The following TMEM38B variants were observed in gnomAD, a reference collection of about 807,000 sequenced individuals.
TMEM38B encodes transmembrane protein 38B.
In TMEM38B, 24 loss-of-function variants were observed where a neutral mutation model predicts 28.7. The observed-to-expected ratio is 0.84, with a 90% confidence interval of 0.61 to 1.18. The LOEUF (loss-of-function observed/expected upper bound fraction) is 1.18, where lower values mean the gene tolerates loss of function less well. Ranked by LOEUF, TMEM38B falls within the 50% of genes most tolerant of loss-of-function variation. TMEM38B has a pLI of 0.00. For missense variants in TMEM38B, 380 were observed against 350.9 expected (o/e 1.08, Z -0.66); for synonymous variants, 131 against 127.7 (o/e 1.03, Z -0.17).
intron 5 of TMEM38B, chr9:105,758,862 A>C: frequency 9.9e-7 from 1 of 1,008,190 alleles, no homozygotes; most frequent in Admixed American, 1.7e-5. Flanking sequence ...TGATAATAGA[A>C]AACTAAGCCA....
chr9:105,757,565 A>T (rs1019250450), intron 5 of TMEM38B, among the ~76,000 whole-genome samples: 2 of 152,214 alleles, frequency 1.3e-5, no homozygotes, highest in Non-Finnish European at 2.9e-5. Context: ...ATCTACACCA[A>T]TATTTTAAAA....
chr9:105,730,063 C>T (rs1836674152), intron 4 of TMEM38B, among the ~76,000 whole-genome samples: 1 of 152,096 alleles, frequency 6.6e-6, no homozygotes, highest in Non-Finnish European at 1.5e-5. Flanking sequence ...TTTGAATACG[C>T]TTTATTTCTT....
intron 4 of TMEM38B, among the ~76,000 whole-genome samples, chr9:105,735,523 GTAACCTT>G (rs1424346248): frequency 6.6e-6 from 1 of 152,204 alleles, no homozygotes; most frequent in Non-Finnish European, 1.5e-5. Flanking sequence ...AGGTCTTTAT[GTAACCTT>G]AATTTCTGAA....
chr9:105,696,910 A>G (rs1351814332), intron 1 of TMEM38B, among the ~76,000 whole-genome samples: 3 of 152,266 alleles, frequency 2.0e-5, no homozygotes, highest in Non-Finnish European at 2.9e-5. Context: ...GGGGTTAATC[A>G]TAAGTCAACA....
chr9:105,770,687 C>T (rs982537774), intron 5 of TMEM38B, among the ~76,000 whole-genome samples: 7 of 151,902 alleles, frequency 4.6e-5, no homozygotes, highest in African/African-American at 9.7e-5. Flanking sequence ...TGCCATGTGC[C>T]GTTAGGGATT....
chr9:105,713,208 G>A (rs1403650316), intron 2 of TMEM38B, among the ~76,000 whole-genome samples: 2 of 152,162 alleles, frequency 1.3e-5, no homozygotes, highest in East Asian at 3.9e-4. Context: ...CCTTCAAGTA[G>A]TGGCTGCAAT....
intron 2 of TMEM38B, among the ~76,000 whole-genome samples, chr9:105,713,212 C>T (rs1835971773): frequency 6.6e-6 from 1 of 152,132 alleles, no homozygotes; most frequent in Non-Finnish European, 1.5e-5. Context: ...CAAGTAGTGG[C>T]TGCAATCCCT....
In TMEM38B at chr9:105,765,278, G is replaced by A. The variant is rs1006113001; in HGVS notation, c.661-8587G>A. Among the ~76,000 whole-genome samples the A allele has an allele frequency of 4.6e-5, 7 of 152,206 alleles. No individual in the cohort carries two copies. The East Asian group carries it at 7.7e-4, about 17-fold the overall frequency. On this transcript the variant is annotated intron_variant, in intron 5 of 5. Transcript: ENST00000374692. ...AAAGTAGCATTTAATATTTATTGAC[G>A]AAATCATTAGAAATGAGCTCCTTTA...
At chr9:105,756,320 G>C (rs1837830772) in intron 5 of TMEM38B, among the ~76,000 whole-genome samples, 1 of 152,092 alleles carries the variant, frequency 6.6e-6, no homozygotes, top group African/African-American at 2.4e-5. Context: ...AGTGTTGATA[G>C]AAATGGAGAG....
At chr9:105,710,251 G>T in intron 2 of TMEM38B, 1 of 569,222 alleles carries the variant, frequency 1.8e-6, no homozygotes, top group Non-Finnish European at 3.2e-6. Flanking sequence ...TTGAAGTCTA[G>T]TAAGCACAAC....
chr9:105,735,238 T>C (rs2175121), intron 4 of TMEM38B, among the ~76,000 whole-genome samples: 35,514 of 152,106 alleles, frequency 0.23, 6,805 homozygotes, highest in African/African-American at 0.51. Context: ...TTTTACCTTT[T>C]GTGTGTTCCT....
At chr9:105,698,265 A>C (rs574941798) in intron 1 of TMEM38B, among the ~76,000 whole-genome samples, 29 of 152,214 alleles carry the variant, frequency 1.9e-4, no homozygotes, top group African/African-American at 6.7e-4. Context: ...TTGAATACTA[A>C]TGATAGTGAG....
At chr9:105,753,228 G>C (rs1050250366) in intron 5 of TMEM38B, among the ~76,000 whole-genome samples, 1 of 152,172 alleles carries the variant, frequency 6.6e-6, no homozygotes, top group Non-Finnish European at 1.5e-5. Context: ...ATGGAACCAA[G>C]TTGGAAAACA....
intron 1 of TMEM38B, among the ~76,000 whole-genome samples, chr9:105,698,351 A>G (rs1019117518): frequency 1.3e-5 from 2 of 152,080 alleles, no homozygotes; most frequent in South Asian, 4.1e-4. Context: ...GATGTTTGCT[A>G]TAGGTTTTTA....
chr9:105,734,756 T>C (rs1325585958), intron 4 of TMEM38B, among the ~76,000 whole-genome samples: 3 of 152,148 alleles, frequency 2.0e-5, no homozygotes, highest in East Asian at 1.9e-4. Context: ...CCACCTCTGC[T>C]CTTTTTTGGT....
At chr9:105,734,785 T>G (rs942898537) in intron 4 of TMEM38B, among the ~76,000 whole-genome samples, 1 of 152,088 alleles carries the variant, frequency 6.6e-6, no homozygotes, top group East Asian at 1.9e-4. Flanking sequence ...GCATGGAATA[T>G]GTTTTTCATT....
intron 4 of TMEM38B, 113 bp from the exon 5 acceptor site, chr9:105,747,960 G>T (rs1043136140): frequency 1.5e-4 from 101 of 674,694 alleles, no homozygotes; most frequent in Non-Finnish European, 2.4e-4. Flanking sequence ...ACTCATTTTT[G>T]CATTACATCT....
chr9:105,708,342 G>A (rs113408684), intron 2 of TMEM38B, among the ~76,000 whole-genome samples: 201 of 152,300 alleles, frequency 1.3e-3, no homozygotes, highest in African/African-American at 4.6e-3. Flanking sequence ...GATTTAAAGT[G>A]TAGTGGAGGA....
intron 2 of TMEM38B, among the ~76,000 whole-genome samples, chr9:105,710,027 G>A (rs1490219122): frequency 6.6e-6 from 1 of 152,200 alleles, no homozygotes; most frequent in Non-Finnish European, 1.5e-5. Flanking sequence ...GTTTCCGCAA[G>A]TACAAAGTTG....
Sources: gnomAD v4.1 joint callset for allele counts (sites outside exome capture counted in the v4.1 genomes callset) on GRCh38, gnomAD v4.1.1 for gene constraint, MANE v1.5 for transcripts, NCBI Gene and HGNC (gene_info 2026-07-23, HGNC 2026-07-21) for gene names.